LRRC7: variants seen among roughly 807,000 people sequenced by gnomAD.
The protein encoded by LRRC7 is leucine-rich repeat-containing protein 7.
A neutral mutation model predicts 175.7 loss-of-function variants in LRRC7; 23 were observed. That is an observed-to-expected ratio of 0.13 (90% CI 0.09 to 0.19). The LOEUF (loss-of-function observed/expected upper bound fraction) is 0.19, where lower values mean the gene tolerates loss of function less well. Among genes scored for constraint, LRRC7 ranks in the 10% least tolerant of loss-of-function variants. The probability of loss-of-function intolerance (pLI) is 1.00; values close to 1 mark genes in which losing one functional copy is unlikely to be tolerated. For synonymous variants in LRRC7, 685 were observed against 680.9 expected, an observed-to-expected ratio of 1.01 and a Z score of -0.09; for missense variants, 1,354 against 1,904.7, an observed-to-expected ratio of 0.71 and a Z score of 5.38.
chr1:70,042,286 C>T (rs1246883339), intron 21 of LRRC7, among the ~76,000 whole-genome samples: 6 of 152,166 alleles, frequency 3.9e-5, no homozygotes, highest in Admixed American at 2.0e-4. Context: ...AAACCAGTTT[C>T]GACATAGCTG....
At chr1:70,035,008 G>A (rs10493467) in intron 18 of LRRC7, among the ~76,000 whole-genome samples, 32,771 of 151,928 alleles carry the variant, frequency 0.22, 3,591 homozygotes, top group African/African-American at 0.24. Flanking sequence ...TATACCAACC[G>A]ATTAGTTTTA....
intron 2 of LRRC7, among the ~76,000 whole-genome samples, chr1:69,687,437 G>A (rs1292445833): frequency 6.8e-6 from 1 of 146,432 alleles, no homozygotes; most frequent in African/African-American, 2.5e-5. Context: ...TTGAGCCCGG[G>A]AGGCGGAGGT....
At chr1:69,948,584 A>T (rs931734975) in intron 8 of LRRC7, among the ~76,000 whole-genome samples, 2 of 152,162 alleles carry the variant, frequency 1.3e-5, no homozygotes, top group Non-Finnish European at 2.9e-5. Context: ...TCCTTCAAGA[A>T]ATGTGGGTGG....
chr1:70,032,557 A>G (rs1658866580), intron 18 of LRRC7, among the ~76,000 whole-genome samples: 1 of 152,182 alleles, frequency 6.6e-6, no homozygotes, highest in Non-Finnish European at 1.5e-5. Flanking sequence ...TCCTTCTGCA[A>G]GTAACTACCA....
intron 7 of LRRC7, among the ~76,000 whole-genome samples, chr1:69,909,833 G>T (rs1462261793): frequency 1.3e-5 from 2 of 151,896 alleles, no homozygotes; most frequent in Admixed American, 1.3e-4. Flanking sequence ...GCTAGATTGG[G>T]GATGTTCTCC....
At chr1:70,031,834 C>G (rs1658763245) in intron 18 of LRRC7, among the ~76,000 whole-genome samples, 1 of 149,412 alleles carries the variant, frequency 6.7e-6, no homozygotes, top group African/African-American at 2.5e-5. Flanking sequence ...GAGTCTCGCT[C>G]TGTTGCCAGG....
chr1:69,909,558 G>C (rs551239460), intron 7 of LRRC7, among the ~76,000 whole-genome samples: 9 of 152,168 alleles, frequency 5.9e-5, no homozygotes, highest in Non-Finnish European at 7.4e-5. Context: ...ATGAAATTCT[G>C]GGTTGAAAAT....
intron 5 of LRRC7, among the ~76,000 whole-genome samples, chr1:69,832,128 TG>T (rs1383538846): frequency 3.2e-4 from 48 of 152,180 alleles, no homozygotes; most frequent in African/African-American, 1.1e-3. Context: ...AAATACTTGT[TG>T]AGAGTGTTTT....
chr1:69,710,711 T>C (rs1664658471), intron 2 of LRRC7, among the ~76,000 whole-genome samples: 1 of 152,184 alleles, frequency 6.6e-6, no homozygotes, highest in Non-Finnish European at 1.5e-5. Flanking sequence ...TAGATTGTAC[T>C]GAGTGGCCCT....
chr1:69,782,861 G>A (rs182234355), intron 3 of LRRC7, among the ~76,000 whole-genome samples: 1 of 152,260 alleles, frequency 6.6e-6, no homozygotes, highest in East Asian at 1.9e-4. Flanking sequence ...GAAATTGGTT[G>A]CAAATGTGTG....
intron 23 of LRRC7, among the ~76,000 whole-genome samples, chr1:70,056,603 A>C (rs989458343): frequency 6.6e-6 from 1 of 152,184 alleles, no homozygotes; most frequent in African/African-American, 2.4e-5. Flanking sequence ...AAATCCAGCA[A>C]GAGAGAGAAG....
intron 8 of LRRC7, among the ~76,000 whole-genome samples, chr1:69,974,363 G>GATAAGAT (rs1489933508): frequency 6.6e-6 from 1 of 152,094 alleles, no homozygotes; most frequent in African/African-American, 2.4e-5. Context: ...TAGTTGCTTA[G>GATAAGAT]AAGTAGATAA....
At chr1:69,586,110 C>T (rs1418612997) in intron 1 of LRRC7, among the ~76,000 whole-genome samples, 1 of 152,124 alleles carries the variant, frequency 6.6e-6, no homozygotes, top group African/African-American at 2.4e-5. Context: ...TTTACTACCT[C>T]CAGATGTTAG....
intron 26 of LRRC7, among the ~76,000 whole-genome samples, chr1:70,109,214 G>T (rs1485005636): frequency 6.6e-6 from 1 of 151,998 alleles, no homozygotes; most frequent in African/African-American, 2.4e-5. Flanking sequence ...TAGAGACAGG[G>T]TTTCTCCATG....
At chr1:69,894,845 A>G (rs1448197337) in intron 7 of LRRC7, among the ~76,000 whole-genome samples, 1 of 152,244 alleles carries the variant, frequency 6.6e-6, no homozygotes, top group Non-Finnish European at 1.5e-5. Context: ...TGTCAGGGGT[A>G]TAAAGTTACA....
In LRRC7 at chr1:70,038,980, G is replaced by T. The variant is rs1205526743; in HGVS notation, c.3156G>T (p.Lys1052Asn). 6.2e-7 allele frequency: 1 copy of T among 1,613,940 alleles called. No homozygotes were observed. The highest frequency in any genetic ancestry group is 1.7e-5 in the Admixed American group (1 of 60,018). Residue 1052 changes from lysine to asparagine, a missense_variant, in exon 21 of 27, where the codon AAG becomes AAT. Around this residue, in one of 4 missense-constraint regions of LRRC7, gnomAD observed 1,032 missense variants for 1,227.2 expected, o/e 0.84. Transcript: ENST00000651989. ...AGATGCTCACCTACGGAAGTAGTAA[G>T]GGGCCACAACAACAAAAAGCTTCTA... ...DDEMLTYGSSKGPQQQKASMT... is the reference protein window; with the variant it reads ...DDEMLTYGSSNGPQQQKASMT...
chr1:70,089,367 A>C (rs1663853282), intron 24 of LRRC7, among the ~76,000 whole-genome samples: 1 of 152,158 alleles, frequency 6.6e-6, no homozygotes, highest in African/African-American at 2.4e-5. Flanking sequence ...TTTCTAATCA[A>C]CCTGAATACA....
intron 8 of LRRC7, among the ~76,000 whole-genome samples, chr1:69,972,006 A>G (rs1652284578): frequency 6.6e-6 from 1 of 152,200 alleles, no homozygotes; most frequent in South Asian, 2.1e-4. Context: ...AAAGCAAACA[A>G]AAAGGTAAAG....
chr1:69,692,204 G>A (rs1304245173), intron 2 of LRRC7, among the ~76,000 whole-genome samples: 1 of 152,184 alleles, frequency 6.6e-6, no homozygotes, highest in Non-Finnish European at 1.5e-5. Flanking sequence ...CTTAGCTGAA[G>A]CAGTTCCATC....
Sources: gnomAD v4.1 joint callset for allele counts (sites outside exome capture counted in the v4.1 genomes callset) on GRCh38, gnomAD v4.1.1 for gene constraint, gnomAD v4.1.1 regional missense constraint, MANE v1.5 for transcripts, NCBI Gene and HGNC (gene_info 2026-07-23, HGNC 2026-07-21) for gene names.